SUGCT: variants seen among roughly 807,000 people sequenced by gnomAD.
SUGCT encodes the protein succinyl-CoA:glutarate-CoA transferase, also known as succinyl-CoA:glutarate CoA-transferase.
SUGCT carries 41 observed loss-of-function variants against 55.0 expected under a neutral mutation model. The observed-to-expected ratio is 0.74, with a 90% CI of 0.58 to 0.97. The LOEUF (loss-of-function observed/expected upper bound fraction) is 0.97. SUGCT is among the 50% of genes least tolerant of loss of function. SUGCT has a pLI of 0.00. For missense variants in SUGCT, 568 were observed against 547.8 expected, an observed-to-expected ratio of 1.04 and a Z score of -0.37; for synonymous variants, 187 against 200.4, an observed-to-expected ratio of 0.93 and a Z score of 0.56.
chr7:40,149,829 G>C (rs1788456936), intron 1 of SUGCT, among the ~76,000 whole-genome samples: 1 of 152,212 alleles, frequency 6.6e-6, no homozygotes, highest in African/African-American at 2.4e-5. Flanking sequence ...TGAGGCAGGA[G>C]AATTGCTTGA....
chr7:40,290,899 G>T (rs1450040454), intron 8 of SUGCT, among the ~76,000 whole-genome samples: 1 of 152,134 alleles, frequency 6.6e-6, no homozygotes, highest in African/African-American at 2.4e-5. Flanking sequence ...AAAAACACAT[G>T]AAAAAATGCT....
chr7:40,332,443 A>ATTTTTTTTTTTTTTTTTTTTTTTTTTTT (rs57902207), intron 9 of SUGCT, among the ~76,000 whole-genome samples: 1 of 139,354 alleles, frequency 7.2e-6, no homozygotes. Context: ...TCTGCATTGG[A>ATTTTTTTTTTTTTTTTTTTTTTTTTTTT]TTTTTTTTTT....
intron 10 of SUGCT, among the ~76,000 whole-genome samples, chr7:40,453,698 T>G (rs980453244): frequency 5.3e-5 from 8 of 152,192 alleles, no homozygotes; most frequent in African/African-American, 1.9e-4. Context: ...CCAGCAAGAG[T>G]AAAAATTCTC....
chr7:40,953,365 C>A, the SUGCT span, among the ~76,000 whole-genome samples: 1 of 152,096 alleles, frequency 6.6e-6, no homozygotes, highest in African/African-American at 2.4e-5. Flanking sequence ...CATCTTTTTT[C>A]AAGGTTTTCA....
chr7:40,404,341 A>T (rs1786243374), intron 9 of SUGCT, among the ~76,000 whole-genome samples: 1 of 152,178 alleles, frequency 6.6e-6, no homozygotes, highest in African/African-American at 2.4e-5. Flanking sequence ...AAGGCTCCTG[A>T]CATCTTGTAG....
At chr7:40,504,485 A>G (rs1326216305) in intron 12 of SUGCT, among the ~76,000 whole-genome samples, 1 of 151,818 alleles carries the variant, frequency 6.6e-6, no homozygotes, top group East Asian at 1.9e-4. Flanking sequence ...TCCTGGCTGG[A>G]GTGCACTGAC....
chr7:40,761,937 C>T (rs1442147543), intron 13 of SUGCT, among the ~76,000 whole-genome samples: 1 of 152,168 alleles, frequency 6.6e-6, no homozygotes, highest in African/African-American at 2.4e-5. Context: ...TCTGCTATGA[C>T]AGCGGAATAC....
At position 40,753,674 on chromosome 7, in the gene SUGCT, G is replaced by A. The variant is rs145296850; in HGVS notation, c.1153+4177G>A. ...AGAAACTTGTCTCTTAAAAACAGCAGTAAATCATGTGATATTTATAGAGCC... is the reference window on the plus strand; with the variant it reads ...AGAAACTTGTCTCTTAAAAACAGCAATAAATCATGTGATATTTATAGAGCC... On this transcript the variant is annotated intron_variant, in intron 13 of 13. Transcript: ENST00000335693. Among the ~76,000 whole-genome samples the A allele has an allele frequency of 2.6e-5, 4 of 152,228 alleles. No homozygotes were observed. In the East Asian group the frequency reaches 7.7e-4, roughly 29 times the overall value.
chr7:40,833,958 T>C (rs1229242581), intron 13 of SUGCT, among the ~76,000 whole-genome samples: 1 of 152,238 alleles, frequency 6.6e-6, no homozygotes, highest in African/African-American at 2.4e-5. Context: ...AGCATTGTTT[T>C]AACGTGAAAT....
chr7:40,878,955 G>A, the SUGCT span, among the ~76,000 whole-genome samples: 1 of 151,846 alleles, frequency 6.6e-6, no homozygotes, highest in Middle Eastern at 3.2e-3. Context: ...CACCACGCCC[G>A]GCTAATTTTT....
the SUGCT span, among the ~76,000 whole-genome samples, chr7:41,006,453 T>C: frequency 6.6e-6 from 1 of 152,098 alleles, no homozygotes. Flanking sequence ...TGCCCTTTTT[T>C]TTATAATGGA....
At chr7:40,749,165 G>A (rs1787882136) in intron 12 of SUGCT, among the ~76,000 whole-genome samples, 1 of 152,166 alleles carries the variant, frequency 6.6e-6, no homozygotes, top group Admixed American at 6.5e-5. Context: ...CTATATTTAG[G>A]AGCAAATAAA....
intron 9 of SUGCT, among the ~76,000 whole-genome samples, chr7:40,342,212 T>C (rs1797089600): frequency 6.6e-6 from 1 of 152,178 alleles, no homozygotes; most frequent in Admixed American, 6.5e-5. Context: ...TAATTGTCAT[T>C]AGTGACCTAG....
At chr7:40,137,899 C>T (rs1279673511) in intron 1 of SUGCT, among the ~76,000 whole-genome samples, 1 of 152,160 alleles carries the variant, frequency 6.6e-6, no homozygotes, top group African/African-American at 2.4e-5. Context: ...CCACACTGGT[C>T]TTGAACTCCT....
At chr7:40,252,883 A>C (rs752249053) in intron 7 of SUGCT, among the ~76,000 whole-genome samples, 14 of 152,088 alleles carry the variant, frequency 9.2e-5, no homozygotes, top group Non-Finnish European at 1.5e-4. Flanking sequence ...CCCTGGGCTC[A>C]AGTGATCCCC....
At chr7:40,899,898 G>A in the SUGCT span, among the ~76,000 whole-genome samples, 1 of 152,186 alleles carries the variant, frequency 6.6e-6, no homozygotes, top group South Asian at 2.1e-4. Flanking sequence ...CTCTGCTCCA[G>A]AGTATAAATT....
chr7:40,399,094 G>A (rs1785921379), intron 9 of SUGCT, among the ~76,000 whole-genome samples: 1 of 152,130 alleles, frequency 6.6e-6, no homozygotes, highest in Non-Finnish European at 1.5e-5. Context: ...TGCTGCATTA[G>A]TGAAGAGGTT....
downstream of SUGCT, among the ~76,000 whole-genome samples, chr7:40,861,851 T>TAA (rs1415749885): frequency 6.6e-6 from 1 of 152,260 alleles, no homozygotes; most frequent in African/African-American, 2.4e-5. Context: ...GCTGTTATTC[T>TAA]ACTAGTTAGA....
intron 12 of SUGCT, among the ~76,000 whole-genome samples, chr7:40,534,884 A>T (rs1425765830): frequency 6.6e-6 from 1 of 152,180 alleles, no homozygotes; most frequent in Non-Finnish European, 1.5e-5. Context: ...TATGTTTATA[A>T]CTTATTGGTG....
Sources: allele counts gnomAD v4.1 joint callset (sites outside exome capture counted in the v4.1 genomes callset), GRCh38; gene constraint gnomAD v4.1.1; transcripts MANE v1.5; gene names NCBI Gene and HGNC (gene_info 2026-07-23, HGNC 2026-07-21).